Variants in HHLA2 observed in about 807,000 individuals in gnomAD.
HHLA2 encodes the protein HHLA2 member of B7 family.
In HHLA2, 48 loss-of-function variants were observed where a neutral mutation model predicts 45.9. The observed-to-expected ratio is 1.05, with a 90% CI of 0.83 to 1.33. The LOEUF is 1.33. Ranked by LOEUF, HHLA2 falls within the 40% of genes most tolerant of loss-of-function variation. The probability of loss-of-function intolerance (pLI) is 0.00; values close to 1 mark genes in which losing one functional copy is unlikely to be tolerated. For synonymous variants in HHLA2, 161 were observed against 173.9 expected, an observed-to-expected ratio of 0.93 and a Z score of 0.59; for missense variants, 462 against 494.3, an observed-to-expected ratio of 0.93 and a Z score of 0.62.
At chr3:108,351,756 C>T in intron 3 of HHLA2, 32 bp from the exon 3 acceptor site, 1 of 1,398,276 alleles carries the variant, frequency 7.2e-7, no homozygotes, top group Non-Finnish European at 1.0e-6. Context: ...ATTTTAAATC[C>T]ATAACATGTG....
intron 4 of HHLA2, among the ~76,000 whole-genome samples, chr3:108,352,145 A>T (rs2081790063): frequency 1.3e-5 from 2 of 150,446 alleles, no homozygotes; most frequent in African/African-American, 4.9e-5. Flanking sequence ...TGATTGATTG[A>T]TTTTTTTTTT....
intron 8 of HHLA2, among the ~76,000 whole-genome samples, chr3:108,364,240 G>A (rs1042331716): frequency 8.6e-5 from 13 of 152,046 alleles, no homozygotes; most frequent in South Asian, 2.1e-4. Flanking sequence ...GAGAATATGC[G>A]GTGTTTGGTT....
intron 1 of HHLA2, among the ~76,000 whole-genome samples, chr3:108,297,048 T>A (rs2080772368): frequency 6.6e-6 from 1 of 152,242 alleles, no homozygotes; most frequent in Admixed American, 6.5e-5. Context: ...TAGTAGTGGT[T>A]ATCTAGCAGA....
chr3:108,371,360 A>G (rs942070092), intron 8 of HHLA2, among the ~76,000 whole-genome samples: 2 of 152,218 alleles, frequency 1.3e-5, no homozygotes, highest in East Asian at 1.9e-4. Flanking sequence ...GGTACCAGCC[A>G]CTGCAAAAAC....
At chr3:108,350,990 A>G (rs1186588005) in intron 3 of HHLA2, among the ~76,000 whole-genome samples, 1 of 152,214 alleles carries the variant, frequency 6.6e-6, no homozygotes, top group East Asian at 1.9e-4. Context: ...CAGCCACCAA[A>G]TGATACCTTT....
intron 2 of HHLA2, chr3:108,328,190 A>T (rs1276656558): frequency 2.7e-5 from 17 of 630,688 alleles, no homozygotes; most frequent in Non-Finnish European, 4.2e-5. Context: ...TTTTCTTCCA[A>T]AGGGAATTTG....
intron 1 of HHLA2, among the ~76,000 whole-genome samples, chr3:108,309,818 A>G (rs1051223746): frequency 6.6e-6 from 1 of 152,162 alleles, no homozygotes; most frequent in Non-Finnish European, 1.5e-5. Context: ...GTTGGAACTG[A>G]ATGACTAAAT....
chr3:108,355,077 A>G (rs753721706), intron 5 of HHLA2, 38 bp from the exon 5 acceptor site: 1 of 1,580,632 alleles, frequency 6.3e-7, no homozygotes, highest in Non-Finnish European at 8.6e-7. Context: ...GAAGCTAATG[A>G]TGGCAGTTTT....
intron 8 of HHLA2, among the ~76,000 whole-genome samples, chr3:108,366,396 AT>A (rs1193647571): frequency 6.6e-6 from 1 of 151,936 alleles, no homozygotes; most frequent in Non-Finnish European, 1.5e-5. Context: ...TTTATTGAGG[AT>A]TTTCGCTTTG....
rs1425104182 is a variant in HHLA2 at position 108,355,111 on chromosome 3, G to A, written c.419-4G>A. Reference sequence around the variant, plus strand: ...TTTCATGCGCCCTTCTTTCTCCTATGTAGTTTTTCTCACACCCGTGATGAA... The same window carrying A: ...TTTCATGCGCCCTTCTTTCTCCTATATAGTTTTTCTCACACCCGTGATGAA... On this transcript the variant is annotated splice_polypyrimidine_tract_variant and splice_region_variant and intron_variant, in intron 5 of 10. Transcript: ENST00000619531. 1 of 1,609,456 alleles carries A rather than the reference G, an allele frequency of 6.2e-7. No individual in the cohort carries two copies. The highest frequency in any genetic ancestry group is 8.5e-7 in the Non-Finnish European group (1 of 1,177,488).
chr3:108,313,300 G>A (rs966479351), intron 2 of HHLA2, among the ~76,000 whole-genome samples: 1 of 152,136 alleles, frequency 6.6e-6, no homozygotes, highest in Non-Finnish European at 1.5e-5. Context: ...GTGATTCGGG[G>A]GAGTGAAACC....
chr3:108,374,825 AAAC>A (rs2082243976), intron 8 of HHLA2, among the ~76,000 whole-genome samples: 1 of 142,216 alleles, frequency 7.0e-6, no homozygotes, highest in African/African-American at 2.6e-5. Context: ...AAAAGTCAGG[AAAC>A]AACAGGTGCT....
At chr3:108,316,199 A>G (rs1157263930) in intron 2 of HHLA2, among the ~76,000 whole-genome samples, 1 of 152,198 alleles carries the variant, frequency 6.6e-6, no homozygotes, top group Non-Finnish European at 1.5e-5. Flanking sequence ...ATTCTTGGAA[A>G]CAGGGCAAAG....
chr3:108,370,643 G>A (rs2082153287), intron 8 of HHLA2, among the ~76,000 whole-genome samples: 1 of 152,152 alleles, frequency 6.6e-6, no homozygotes, highest in African/African-American at 2.4e-5. Context: ...GGACCCGATG[G>A]AGCTGAAAAC....
Position 108,302,283 on chromosome 3 carries a change from A to G in HHLA2, c.-192+5684A>G, listed in dbSNP as rs2951508. Among the ~76,000 whole-genome samples, 753 of 152,312 alleles carry G rather than the reference A, an allele frequency of 4.9e-3. 8 individuals carry two copies. Among genetic ancestry groups the G allele is most frequent in the African/African-American group, 0.016 (672 of 41,568 alleles). On this transcript the variant is annotated intron_variant, in intron 1 of 10. Transcript: ENST00000619531. ...TCGATAACAGGTCTGAAATAGCATG[A>G]TACCTGGAAACCATGATTACTGGAA...
intron 2 of HHLA2, chr3:108,326,632 T>A (rs2081293915): frequency 6.5e-6 from 1 of 152,686 alleles, no homozygotes; most frequent in Non-Finnish European, 1.5e-5. Flanking sequence ...CATGGTGACA[T>A]ATGGGACAAC....
At chr3:108,325,067 T>G (rs1182211288) in intron 2 of HHLA2, among the ~76,000 whole-genome samples, 1 of 152,162 alleles carries the variant, frequency 6.6e-6, no homozygotes, top group Non-Finnish European at 1.5e-5. Flanking sequence ...AATTCTGTCT[T>G]TAATCTGTAT....
chr3:108,305,237 A>G (rs1461847660), intron 1 of HHLA2, among the ~76,000 whole-genome samples: 1 of 152,158 alleles, frequency 6.6e-6, no homozygotes, highest in African/African-American at 2.4e-5. Flanking sequence ...GAGGTTAAAA[A>G]CTCAGGGCTG....
rs1266803839 is a variant in HHLA2 at position 108,358,048 on chromosome 3, A to G, written c.890A>G (p.Gln297Arg). 6.8e-6 allele frequency: 11 copies of G among 1,613,624 alleles called. No individual in the cohort carries two copies. The highest frequency in any genetic ancestry group is 4.5e-5 in the East Asian group (2 of 44,844). ...TCATGGAACAAAGAGCTGATAAACCAGAGTGACTTCTCTATGAATTTGATG... is the reference window on the plus strand; with the variant it reads ...TCATGGAACAAAGAGCTGATAAACCGGAGTGACTTCTCTATGAATTTGATG... Residue 297 changes from glutamine to arginine, a missense_variant, in exon 7 of 11, where the codon CAG becomes CGG. Transcript: ENST00000619531.
Sources: allele counts gnomAD v4.1 joint callset (sites outside exome capture counted in the v4.1 genomes callset), GRCh38; gene constraint gnomAD v4.1.1; transcripts MANE v1.5; gene names NCBI Gene and HGNC (gene_info 2026-07-23, HGNC 2026-07-21).